The following RNF146 variants were observed in gnomAD, a reference collection of about 807,000 sequenced individuals.
RNF146 encodes ring finger protein 146, also known as E3 ubiquitin-protein ligase RNF146.
Under a neutral mutation model 29.7 loss-of-function variants are expected in RNF146, and 11 were observed. That is an observed-to-expected ratio of 0.37 (90% CI 0.23 to 0.61). RNF146 has a LOEUF of 0.61. Ranked by LOEUF, RNF146 falls within the 20% of genes least tolerant of loss-of-function variation. The pLI is 0.66. For missense variants in RNF146, 342 were observed against 438.9 expected (o/e 0.78, Z 1.97); for synonymous variants, 150 against 159.7 (o/e 0.94, Z 0.46).
chr6:127,274,419 C>T (rs1048919084), intron 1 of RNF146, among the ~76,000 whole-genome samples: 5 of 151,162 alleles, frequency 3.3e-5, no homozygotes, highest in African/African-American at 1.2e-4. Context: ...TGGATAAGAC[C>T]TAAGTAAAGT....
chr6:127,276,144 T>A (rs1778172738), intron 1 of RNF146, among the ~76,000 whole-genome samples: 1 of 151,694 alleles, frequency 6.6e-6, no homozygotes, highest in African/African-American at 2.4e-5. Context: ...GGAAACAGAC[T>A]GTAGAGTGAG....
chr6:127,281,067 T>C (rs1778853160), intron 2 of RNF146, among the ~76,000 whole-genome samples: 1 of 151,682 alleles, frequency 6.6e-6, no homozygotes, highest in Non-Finnish European at 1.5e-5. Context: ...AGAGTGACCT[T>C]GGTAGATGCT....
chr6:127,287,126 A>G lies in RNF146; in HGVS notation c.513A>G (p.Ile171Met). The change falls in exon 3 of 3, where the codon ATA becomes ATG. Residue 171 changes from isoleucine (I) to methionine (M), a missense_variant. This residue lies in a region of RNF146 where 28 missense variants were observed against 40.7 expected (regional missense o/e 0.69). Coordinates refer to ENST00000368314, the MANE Select transcript of RNF146 (RefSeq NM_001242850.2). ...GRRRKIKRDI[I>M]DIPKKGVAGL... ...GCAGGAAGATTAAGCGAGATATAAT[A>G]GATATACCAAAGAAGGGAGTAGCTG... 2 of 1,613,328 alleles carry G rather than the reference A, an allele frequency of 1.2e-6. No homozygotes were observed. The highest frequency in any genetic ancestry group is 1.7e-6 in the Non-Finnish European group (2 of 1,179,600).
At chr6:127,274,419 C>G (rs1048919084) in intron 1 of RNF146, among the ~76,000 whole-genome samples, 4 of 151,162 alleles carry the variant, frequency 2.6e-5, no homozygotes, top group African/African-American at 4.8e-5. Context: ...TGGATAAGAC[C>G]TAAGTAAAGT....
chr6:127,271,121 G>C (rs1049480099), intron 1 of RNF146, among the ~76,000 whole-genome samples: 2 of 151,976 alleles, frequency 1.3e-5, no homozygotes, highest in African/African-American at 4.8e-5. Flanking sequence ...GCCTCCTTAC[G>C]ATTTTTTAAA....
At chr6:127,283,031 AGTT>A (rs1260704184) in intron 2 of RNF146, among the ~76,000 whole-genome samples, 2 of 151,764 alleles carry the variant, frequency 1.3e-5, no homozygotes, top group African/African-American at 4.8e-5. Flanking sequence ...TCATTTGACT[AGTT>A]GTCCAAGAAG....
At position 127,286,195 on chromosome 6, in the gene RNF146, A is replaced by G. The variant is rs946125656; in HGVS notation, c.3-421A>G. 9 of 1,230,132 alleles carry G rather than the reference A, an allele frequency of 7.3e-6. No homozygotes were observed. In the Admixed American group the frequency reaches 1.7e-4, roughly 23 times the overall value. 76.2% of individuals were successfully genotyped at this position (1,230,132 alleles called of 1,614,324 possible). On this transcript the variant is annotated intron_variant, in intron 2 of 2. Coordinates refer to ENST00000368314, the MANE Select transcript of RNF146 (RefSeq NM_001242850.2). The surrounding 1 kb of genome is among the most constrained non-coding windows in gnomAD (Gnocchi z 4.6). The stretch of plus-strand genomic sequence containing the variant: ...ATTTGCAGGTAAGGAAATTTAGACT[A>G]ATGGTTTAACTGAGTGCCTAAGAGC...
At chr6:127,269,988 CTT>C (rs1359809848) in intron 1 of RNF146, among the ~76,000 whole-genome samples, 1 of 151,810 alleles carries the variant, frequency 6.6e-6, no homozygotes, top group African/African-American at 2.4e-5. Context: ...TGATATTTGT[CTT>C]TGTTTTTATA....
intron 1 of RNF146, among the ~76,000 whole-genome samples, chr6:127,273,720 C>T (rs2114437822): frequency 6.6e-6 from 1 of 151,462 alleles, no homozygotes; most frequent in South Asian, 2.1e-4. Flanking sequence ...TAGAGAAAGC[C>T]ATTTCTAAAG....
At chr6:127,271,282 A>G (rs571496703) in intron 1 of RNF146, among the ~76,000 whole-genome samples, 140 of 152,274 alleles carry the variant, frequency 9.2e-4, no homozygotes, top group African/African-American at 3.2e-3. Context: ...AAAAGTTTAC[A>G]TGGAATTTTG....
chr6:127,277,122 T>G (rs1379464566), intron 1 of RNF146, among the ~76,000 whole-genome samples: 3 of 152,056 alleles, frequency 2.0e-5, no homozygotes, highest in Non-Finnish European at 4.4e-5. Flanking sequence ...AAAGATGACA[T>G]TAATCCCTTA....
intron 1 of RNF146, among the ~76,000 whole-genome samples, chr6:127,271,213 G>A (rs1169067913): frequency 6.6e-6 from 1 of 152,088 alleles, no homozygotes; most frequent in Admixed American, 6.5e-5. Context: ...CACTGTTTAT[G>A]TTATCAGTAA....
intron 2 of RNF146, chr6:127,285,426 T>C (rs560996466): frequency 2.7e-6 from 2 of 753,570 alleles, no homozygotes; most frequent in South Asian, 1.2e-4. Context: ...AGAGAGATTG[T>C]CATTCATTTT....
rs1779475899 is a variant in RNF146, at chr6:127,286,065, C to T, written c.3-551C>T. ...TCCTCTTCAGGGGATCTTCAATATT[C>T]ATGTTATTTTCTCCTTTGGTCTTAT... is the stretch of plus-strand genomic sequence containing the variant. On this transcript the variant is annotated intron_variant, in intron 2 of 2. Transcript: ENST00000368314. This position sits in a 1 kb window ranked among gnomAD's most constrained non-coding sequence, Gnocchi z 4.6. 2 of 1,228,852 alleles carry T rather than the reference C, an allele frequency of 1.6e-6. No homozygotes were observed. Among genetic ancestry groups the T allele is most frequent in the Admixed American group, 4.2e-5 (1 of 23,604 alleles). 76.1% of individuals were successfully genotyped at this position (1,228,852 alleles called of 1,614,324 possible). A position where few individuals can be genotyped will look rare whatever the true frequency, so the allele number is the denominator to read the frequency against.
intron 1 of RNF146, among the ~76,000 whole-genome samples, chr6:127,276,368 G>T (rs1778210701): frequency 6.6e-6 from 1 of 152,008 alleles, no homozygotes; most frequent in Non-Finnish European, 1.5e-5. Context: ...GGTGTGGTTG[G>T]TTGGGGTGGG....
chr6:127,287,506 A>G lies in RNF146; in HGVS notation c.893A>G (p.Asp298Gly). 1 of 1,613,274 alleles carries G rather than the reference A, an allele frequency of 6.2e-7. No individual in the cohort carries two copies. The highest frequency in any genetic ancestry group is 2.2e-5 in the East Asian group (1 of 44,814). The change falls in exon 3 of 3, where the codon GAT becomes GGT. Residue 298 changes from aspartate (D) to glycine (G), a missense_variant. This residue lies in a region of RNF146 where 196 missense variants were observed against 208.9 expected (regional missense o/e 0.94). Coordinates refer to ENST00000368314, the MANE Select transcript of RNF146 (RefSeq NM_001242850.2). ...TCAGATGCCAGTAGTGATAGTGAGG[A>G]TGTATCTGCAGTTGTTGCACAGCAC... ...TESDASSDSE[D>G]VSAVVAQHSL...
rs1779203182 is a variant in RNF146 at position 127,283,899 on chromosome 6, A to G, written c.3-2717A>G. Among the ~76,000 whole-genome samples the G allele has an allele frequency of 2.6e-5, 4 of 151,802 alleles. No individual in the cohort carries two copies. The South Asian group carries it at 8.3e-4, about 31-fold the overall frequency. On this transcript the variant is annotated intron_variant, in intron 2 of 2. Transcript: ENST00000368314. ...CTGATGATGGAACCAAAATACCTGC[A>G]CAAACAGGATTGTTTTGCCTTTCCA...
intron 1 of RNF146, among the ~76,000 whole-genome samples, chr6:127,271,201 T>C (rs1312418310): frequency 6.6e-6 from 1 of 152,168 alleles, no homozygotes; most frequent in Non-Finnish European, 1.5e-5. Context: ...CATATATTAA[T>C]CCACTGTTTA....
At chr6:127,285,748 C>A (rs1779431202) in intron 2 of RNF146, among the ~76,000 whole-genome samples, 1 of 151,870 alleles carries the variant, frequency 6.6e-6, no homozygotes, top group Non-Finnish European at 1.5e-5. Flanking sequence ...ACTAAACTTT[C>A]TAACCTATGT....
Sources: gnomAD v4.1 joint callset for allele counts (sites outside exome capture counted in the v4.1 genomes callset) on GRCh38, gnomAD v4.1.1 for gene constraint, gnomAD v4.1.1 regional missense constraint, Gnocchi (gnomAD v3.1) non-coding constraint, MANE v1.5 for transcripts, NCBI Gene and HGNC (gene_info 2026-07-23, HGNC 2026-07-21) for gene names.